VGLL4: variants seen among roughly 807,000 people sequenced by gnomAD.
The protein encoded by VGLL4 is transcription cofactor vestigial-like protein 4.
A neutral mutation model predicts 21.0 loss-of-function variants in VGLL4; 7 were observed. The observed-to-expected ratio is 0.33, with a 90% confidence interval of 0.19 to 0.63. The LOEUF (loss-of-function observed/expected upper bound fraction) is 0.63, where lower values mean the gene tolerates loss of function less well. VGLL4 is among the 20% of genes least tolerant of loss of function. VGLL4 has a pLI of 0.78. For missense variants in VGLL4, 394 were observed against 425.7 expected (o/e 0.93, Z 0.66); for synonymous variants, 222 against 173.2 (o/e 1.28, Z -2.21).
At chr3:11,677,874 C>T (rs2076316289) in intron 2 of VGLL4, among the ~76,000 whole-genome samples, 1 of 140,984 alleles carries the variant, frequency 7.1e-6, no homozygotes, top group African/African-American at 2.6e-5. Flanking sequence ...CACTGTACTC[C>T]ATCCAGCCTG....
intron 2 of VGLL4, among the ~76,000 whole-genome samples, chr3:11,579,036 C>T (rs571811402): frequency 4.8e-4 from 73 of 152,252 alleles, no homozygotes; most frequent in African/African-American, 1.6e-3. Context: ...GCGTGAGCCA[C>T]TGCACCTGGC....
chr3:11,625,162 T>A (rs2075329318), intron 1 of VGLL4, among the ~76,000 whole-genome samples: 1 of 152,208 alleles, frequency 6.6e-6, no homozygotes. Flanking sequence ...TGTTCTTTTG[T>A]CCCAGGTTGT....
intron 1 of VGLL4, among the ~76,000 whole-genome samples, chr3:11,720,067 T>A (rs1270555857): frequency 6.6e-6 from 1 of 151,520 alleles, no homozygotes; most frequent in African/African-American, 2.4e-5. Flanking sequence ...GCACAGTAGG[T>A]CCCTGCTCCC....
At chr3:11,701,424 T>C (rs1251933803) in intron 2 of VGLL4, among the ~76,000 whole-genome samples, 1 of 152,176 alleles carries the variant, frequency 6.6e-6, no homozygotes. Flanking sequence ...CTTTTCTTAA[T>C]AAATCACCCA....
At chr3:11,591,475 G>A (rs2074494750) in intron 2 of VGLL4, among the ~76,000 whole-genome samples, 1 of 152,204 alleles carries the variant, frequency 6.6e-6, no homozygotes, top group Admixed American at 6.5e-5. Flanking sequence ...GCAGCAAGAT[G>A]GGGAACTGCC....
At chr3:11,561,370 A>C (rs995448098) in intron 3 of VGLL4, among the ~76,000 whole-genome samples, 1 of 152,154 alleles carries the variant, frequency 6.6e-6, no homozygotes, top group Non-Finnish European at 1.5e-5. Context: ...AGGCTGGCTG[A>C]CTGGTATCAG....
Position 11,558,727 on chromosome 3 carries a change from C to T in VGLL4, c.720G>A (p.Thr240=), listed in dbSNP as rs747552303. ...PEPAPNSVSI[T]GSVDDHFAKA... ...TGGCAAAGTGGTCGTCCACGGAGCC[C>T]GTGATGGACACGGAGTTGGGTGCCG... The change falls in exon 5 of 5, where the codon ACG becomes ACA. Residue 240 remains threonine, a synonymous_variant. Transcript: ENST00000430365. 12 of 1,614,052 alleles carry T rather than the reference C, an allele frequency of 7.4e-6. No homozygotes were observed. Among genetic ancestry groups the T allele is most frequent in the South Asian group, 1.1e-5 (1 of 91,090 alleles).
rs1259476335 is a variant in VGLL4 at position 11,564,946 on chromosome 3, C to T, written c.346G>A (p.Ala116Thr). Reference sequence around the variant, plus strand: ...CTGCCGTGCAGGCTCATGGTGGGGGCCACAGCGCGCTCGATGGGGCTGCGG... The same window carrying T: ...CTGCCGTGCAGGCTCATGGTGGGGGTCACAGCGCGCTCGATGGGGCTGCGG... ...RSRSPIERAV[A>T]PTMSLHGSHL... The change falls in exon 3 of 5, where the codon GCC becomes ACC. Residue 116 changes from alanine to threonine, a missense_variant. Coordinates refer to ENST00000430365, the MANE Select transcript of VGLL4 (RefSeq NM_001128219.3). 1.9e-6 allele frequency: 3 copies of T among 1,575,270 alleles called. No homozygotes were observed. Among genetic ancestry groups the T allele is most frequent in the African/African-American group, 1.4e-5 (1 of 73,172 alleles).
chr3:11,705,394 C>T (rs568337835), intron 1 of VGLL4, among the ~76,000 whole-genome samples: 1 of 152,128 alleles, frequency 6.6e-6, no homozygotes. Flanking sequence ...GGGAGGGCCA[C>T]GGAAGACTAA....
intron 1 of VGLL4, among the ~76,000 whole-genome samples, chr3:11,642,819 G>A (rs9813267): frequency 0.11 from 17,031 of 152,184 alleles, 2,685 homozygotes; most frequent in African/African-American, 0.35. Flanking sequence ...CACAGGGAGC[G>A]GAGCGCGAGG....
intron 2 of VGLL4, among the ~76,000 whole-genome samples, chr3:11,690,904 T>C (rs2076517718): frequency 6.6e-6 from 1 of 152,092 alleles, no homozygotes; most frequent in Non-Finnish European, 1.5e-5. Flanking sequence ...AGATGCCAAG[T>C]CAACGAGTAT....
intron 2 of VGLL4, among the ~76,000 whole-genome samples, chr3:11,698,236 C>T (rs2076631451): frequency 6.6e-6 from 1 of 152,170 alleles, no homozygotes; most frequent in Non-Finnish European, 1.5e-5. Flanking sequence ...CAGTGGCTCA[C>T]ACCTGTAATC....
intron 2 of VGLL4, among the ~76,000 whole-genome samples, chr3:11,594,237 G>A (rs2074578779): frequency 6.6e-6 from 1 of 152,200 alleles, no homozygotes; most frequent in African/African-American, 2.4e-5. Context: ...ACTGGTGTTG[G>A]TGTCACACAC....
intron 2 of VGLL4, among the ~76,000 whole-genome samples, chr3:11,592,525 G>A (rs1184411120): frequency 6.6e-6 from 1 of 151,766 alleles, no homozygotes; most frequent in Non-Finnish European, 1.5e-5. Flanking sequence ...CTTTGTGTGT[G>A]CTAAAATGAA....
At chr3:11,624,240 G>A (rs893500488) in intron 1 of VGLL4, among the ~76,000 whole-genome samples, 1 of 152,112 alleles carries the variant, frequency 6.6e-6, no homozygotes, top group African/African-American at 2.4e-5. Context: ...TGCCCCAAGA[G>A]GTGTCTCTTC....
At chr3:11,698,938 G>A (rs888006016) in intron 2 of VGLL4, among the ~76,000 whole-genome samples, 2 of 152,138 alleles carry the variant, frequency 1.3e-5, no homozygotes, top group African/African-American at 4.8e-5. Context: ...CAGTTCTCCA[G>A]GAGCAAAGGA....
intron 1 of VGLL4, among the ~76,000 whole-genome samples, chr3:11,629,376 G>T (rs770640446): frequency 4.8e-4 from 73 of 151,066 alleles, no homozygotes; most frequent in Non-Finnish European, 8.6e-4. Flanking sequence ...AAAAAAAAAA[G>T]GTTAAGGTCC....
chr3:11,671,224 C>A, intron 2 of VGLL4: 1 of 1,559,952 alleles, frequency 6.4e-7, no homozygotes, highest in South Asian at 1.1e-5. Flanking sequence ...TAAGAAATGT[C>A]AATTAAGAAA....
At chr3:11,675,621 C>T (rs546957220) in intron 2 of VGLL4, among the ~76,000 whole-genome samples, 1 of 152,290 alleles carries the variant, frequency 6.6e-6, no homozygotes, top group Non-Finnish European at 1.5e-5. Context: ...CAGAAGCTCA[C>T]CTTAACAATG....
Sources: allele counts gnomAD v4.1 joint callset (sites outside exome capture counted in the v4.1 genomes callset), GRCh38; gene constraint gnomAD v4.1.1; transcripts MANE v1.5; gene names NCBI Gene and HGNC (gene_info 2026-07-23, HGNC 2026-07-21).